TRAPPC9: variants seen among roughly 807,000 people sequenced by gnomAD.
The protein encoded by TRAPPC9 is IKK2 binding protein.
In TRAPPC9, 83 loss-of-function variants were observed where a neutral mutation model predicts 124.0. The observed-to-expected ratio is 0.67, with a 90% confidence interval of 0.56 to 0.80. The LOEUF is 0.80. Among genes scored for constraint, TRAPPC9 ranks in the 30% least tolerant of loss-of-function variants. The probability of loss-of-function intolerance (pLI) is 0.00; values close to 1 mark genes in which losing one functional copy is unlikely to be tolerated. For missense variants in TRAPPC9, 1,302 were observed against 1,508.3 expected, an observed-to-expected ratio of 0.86 and a Z score of 2.27; for synonymous variants, 638 against 617.5, an observed-to-expected ratio of 1.03 and a Z score of -0.49.
chr8:140,250,245 A>T (rs1358255492), intron 16 of TRAPPC9, among the ~76,000 whole-genome samples: 2 of 152,236 alleles, frequency 1.3e-5, no homozygotes, highest in African/African-American at 2.4e-5. Context: ...TGGCTAGCCC[A>T]GTCTTTATAC....
intron 4 of TRAPPC9, among the ~76,000 whole-genome samples, chr8:140,431,424 C>T (rs1353873166): frequency 3.3e-5 from 5 of 151,328 alleles, no homozygotes; most frequent in East Asian, 1.9e-4. Context: ...CCGGCCTCGG[C>T]GACAGAGTGA....
chr8:140,394,020 C>A (rs984804881), intron 7 of TRAPPC9, among the ~76,000 whole-genome samples: 22 of 152,156 alleles, frequency 1.4e-4, no homozygotes, highest in Admixed American at 1.0e-3. Context: ...CTCTAGTGGT[C>A]CACAGGAAGA....
chr8:139,870,770 T>A (rs1828850638), intron 21 of TRAPPC9, among the ~76,000 whole-genome samples: 1 of 152,234 alleles, frequency 6.6e-6, no homozygotes, highest in African/African-American at 2.4e-5. Flanking sequence ...GGATCAGGGT[T>A]AAGGAGAAGG....
intron 17 of TRAPPC9, among the ~76,000 whole-genome samples, chr8:140,171,068 G>C (rs919257582): frequency 6.6e-6 from 1 of 152,208 alleles, no homozygotes; most frequent in African/African-American, 2.4e-5. Flanking sequence ...AGGTTAGAGA[G>C]TTGAGAGATG....
intron 17 of TRAPPC9, among the ~76,000 whole-genome samples, chr8:140,066,765 G>T (rs1276230191): frequency 6.6e-6 from 1 of 152,184 alleles, no homozygotes; most frequent in Admixed American, 6.5e-5. Flanking sequence ...CTGAAAAGGA[G>T]ACAGAGATCA....
At chr8:140,115,001 A>C (rs1402860070) in intron 17 of TRAPPC9, among the ~76,000 whole-genome samples, 2 of 152,246 alleles carry the variant, frequency 1.3e-5, no homozygotes, top group African/African-American at 2.4e-5. Context: ...ACACTTCCTG[A>C]CTGAAGGAAG....
intron 7 of TRAPPC9, among the ~76,000 whole-genome samples, chr8:140,382,641 T>C (rs1198027665): frequency 6.6e-6 from 1 of 151,842 alleles, no homozygotes; most frequent in Non-Finnish European, 1.5e-5. Flanking sequence ...GAGGCTTCAG[T>C]AGGTAAACAA....
intron 21 of TRAPPC9, among the ~76,000 whole-genome samples, chr8:139,866,511 T>C (rs1828550623): frequency 6.6e-6 from 1 of 152,132 alleles, no homozygotes; most frequent in South Asian, 2.1e-4. Flanking sequence ...TGGGTCCCCT[T>C]GGTGACCCGT....
intron 13 of TRAPPC9, among the ~76,000 whole-genome samples, chr8:140,286,523 T>C (rs1168899988): frequency 6.6e-6 from 1 of 151,244 alleles, no homozygotes; most frequent in African/African-American, 2.4e-5. Flanking sequence ...GAAGGGGCAG[T>C]GGAGGTGGAG....
Position 140,239,051 on chromosome 8 carries a change from C to T in TRAPPC9, c.2431+13726G>A, listed in dbSNP as rs985795762. On this transcript the variant is annotated intron_variant, in intron 16 of 22. Transcript: ENST00000438773. ...CTCACTGGGAAGAGGGAGCAGGCCC[C>T]GGAGAAAGCTGCTCCTTGGAGCAGC... Among the ~76,000 whole-genome samples the T allele has an allele frequency of 2.0e-5, 3 of 152,180 alleles. No individual in the cohort carries two copies. The East Asian group carries it at 5.8e-4, about 29-fold the overall frequency.
At chr8:140,129,168 C>T (rs1421100468) in intron 17 of TRAPPC9, among the ~76,000 whole-genome samples, 1 of 152,074 alleles carries the variant, frequency 6.6e-6, no homozygotes. Context: ...TCTTTAACAA[C>T]AGATTGGTGT....
At chr8:139,871,650 A>G (rs1403736308) in intron 21 of TRAPPC9, among the ~76,000 whole-genome samples, 2 of 152,214 alleles carry the variant, frequency 1.3e-5, no homozygotes, top group Non-Finnish European at 2.9e-5. Flanking sequence ...ATGTCTCTTA[A>G]AGAAAGCAGC....
chr8:140,448,432 C>A (rs1222903419), intron 2 of TRAPPC9, among the ~76,000 whole-genome samples: 1 of 152,266 alleles, frequency 6.6e-6, no homozygotes, highest in African/African-American at 2.4e-5. Flanking sequence ...TCACAGCACA[C>A]TCCCGCTCCT....
intron 11 of TRAPPC9, among the ~76,000 whole-genome samples, chr8:140,296,957 G>A (rs954413994): frequency 2.0e-4 from 30 of 152,364 alleles, no homozygotes; most frequent in African/African-American, 6.7e-4. Flanking sequence ...CAGCAAGTCC[G>A]GGGCCAGGGG....
intron 7 of TRAPPC9, among the ~76,000 whole-genome samples, chr8:140,388,828 C>G (rs1280429270): frequency 3.1e-5 from 4 of 129,138 alleles, no homozygotes; most frequent in Non-Finnish European, 6.3e-5. Flanking sequence ...CCAGCCTGAA[C>G]AGCAGAGTGA....
chr8:140,451,756 C>A (rs1296446110), intron 1 of TRAPPC9, among the ~76,000 whole-genome samples: 7 of 152,274 alleles, frequency 4.6e-5, no homozygotes, highest in Non-Finnish European at 1.5e-5. Flanking sequence ...GAAAAATCCA[C>A]CATGCAATCA....
chr8:139,928,711 T>C (rs1832949020), intron 19 of TRAPPC9, among the ~76,000 whole-genome samples: 1 of 151,300 alleles, frequency 6.6e-6, no homozygotes, highest in East Asian at 2.0e-4. Flanking sequence ...CATGCTTGTG[T>C]GCTGGCCACA....
intron 17 of TRAPPC9, among the ~76,000 whole-genome samples, chr8:140,196,121 T>A (rs1202623137): frequency 3.0e-5 from 2 of 66,212 alleles, no homozygotes; most frequent in African/African-American, 1.4e-4. Context: ...AGATCACACC[T>A]GTGACACTGA....
chr8:140,289,764 C>A (rs573807908), intron 12 of TRAPPC9, among the ~76,000 whole-genome samples: 1 of 152,328 alleles, frequency 6.6e-6, no homozygotes, highest in South Asian at 2.1e-4. Flanking sequence ...AACTGCTTCT[C>A]CCTACTAAGG....
Sources: allele counts gnomAD v4.1 joint callset (sites outside exome capture counted in the v4.1 genomes callset), GRCh38; gene constraint gnomAD v4.1.1; transcripts MANE v1.5; gene names NCBI Gene and HGNC (gene_info 2026-07-23, HGNC 2026-07-21).